Variants in GREB1 observed in about 807,000 individuals in gnomAD.
GREB1 encodes the protein growth regulating estrogen receptor binding 1, also known as protein GREB1.
In GREB1, 106 loss-of-function variants were observed where a neutral mutation model predicts 200.7. The ratio of observed to expected loss-of-function variants is 0.53; its 90% CI spans 0.45 to 0.62. GREB1 has a LOEUF of 0.62. Among genes scored for constraint, GREB1 ranks in the 20% least tolerant of loss-of-function variants. The pLI is 0.00. For missense variants in GREB1, 2,243 were observed against 2,556.8 expected (o/e 0.88, Z 2.65); for synonymous variants, 1,132 against 1,092.4 (o/e 1.04, Z -0.72).
At chr2:11,501,912 T>G (rs1399142607) in intron 1 of GREB1, among the ~76,000 whole-genome samples, 8 of 105,518 alleles carry the variant, frequency 7.6e-5, no homozygotes, top group African/African-American at 1.2e-4. Context: ...TTTGTTTTTT[T>G]TTTTTTTTTT....
chr2:11,583,104 T>A (rs1679685307), intron 7 of GREB1, among the ~76,000 whole-genome samples: 1 of 152,126 alleles, frequency 6.6e-6, no homozygotes, highest in Non-Finnish European at 1.5e-5. Flanking sequence ...ATTGGTACCA[T>A]GGGAGCAGTT....
upstream of GREB1, among the ~76,000 whole-genome samples, chr2:11,532,248 T>C (rs972562395): frequency 6.6e-6 from 1 of 152,218 alleles, no homozygotes; most frequent in Non-Finnish European, 1.5e-5. Context: ...ATGGCACTTA[T>C]TTCTGGTAGG....
At chr2:11,527,142 T>G (rs563337385) in intron 1 of GREB1, among the ~76,000 whole-genome samples, 1 of 152,342 alleles carries the variant, frequency 6.6e-6, no homozygotes, top group African/African-American at 2.4e-5. Context: ...AGTGTACTAC[T>G]ATTAGTTTTT....
intron 1 of GREB1, among the ~76,000 whole-genome samples, chr2:11,498,023 T>C (rs1672934779): frequency 7.9e-6 from 1 of 127,118 alleles, no homozygotes; most frequent in Admixed American, 9.0e-5. Context: ...AAAGACAGAG[T>C]CTCACTGTGT....
chr2:11,609,084 G>C (rs558703837), intron 17 of GREB1, among the ~76,000 whole-genome samples: 1 of 152,244 alleles, frequency 6.6e-6, no homozygotes, highest in South Asian at 2.1e-4. Flanking sequence ...GTATTGAAAT[G>C]CAGTTGTTTC....
intron 1 of GREB1, among the ~76,000 whole-genome samples, chr2:11,550,346 C>T (rs1000640216): frequency 1.3e-5 from 2 of 152,180 alleles, no homozygotes; most frequent in Non-Finnish European, 2.9e-5. Flanking sequence ...CATCCTTAAG[C>T]ATGATTGCAT....
At position 11,597,692 on chromosome 2, in the gene GREB1, T is replaced by C; in HGVS notation, c.1955-89T>C. 8.6e-7 allele frequency: 1 copy of C among 1,159,434 alleles called. No homozygotes were observed. Among genetic ancestry groups the C allele is most frequent in the East Asian group, 2.3e-5 (1 of 42,788 alleles). 71.8% of individuals were successfully genotyped at this position (1,159,434 alleles called of 1,614,324 possible). A position where few individuals can be genotyped will look rare whatever the true frequency, so the allele number is the denominator to read the frequency against. On this transcript the variant is annotated intron_variant, in intron 13 of 32. Transcript: ENST00000381486. This position sits in a 1 kb window ranked among gnomAD's most constrained non-coding sequence, Gnocchi z 4.1. Reference sequence around the variant, plus strand: ...GCTTTGTGAATGGGGCCGTCTCCCCTGGACAGGTCTCACTGATTCTCTGGC... The same window carrying C: ...GCTTTGTGAATGGGGCCGTCTCCCCCGGACAGGTCTCACTGATTCTCTGGC...
chr2:11,585,652 T>TC (rs1205529916), intron 8 of GREB1, 110 bp from the exon 9 acceptor site: 2 of 1,180,442 alleles, frequency 1.7e-6, no homozygotes, highest in African/African-American at 3.0e-5. Flanking sequence ...GCTCCTGTAA[T>TC]CAGGGACGTT....
chr2:11,491,842 T>C (rs760402868), intron 1 of GREB1, among the ~76,000 whole-genome samples: 2 of 152,186 alleles, frequency 1.3e-5, no homozygotes, highest in African/African-American at 2.4e-5. Context: ...CATTGACATA[T>C]TTGGATGCCT....
At chr2:11,490,977 G>A (rs1558480483) in intron 1 of GREB1, among the ~76,000 whole-genome samples, 1 of 152,258 alleles carries the variant, frequency 6.6e-6, no homozygotes, top group East Asian at 1.9e-4. Flanking sequence ...ACCATTTTAC[G>A]TGTCTACCAG....
chr2:11,614,608 G>A (rs996951053), intron 19 of GREB1, among the ~76,000 whole-genome samples: 9 of 151,856 alleles, frequency 5.9e-5, no homozygotes, highest in African/African-American at 9.7e-5. Context: ...CTGTCGCCCC[G>A]GCTGGATTGC....
intron 24 of GREB1, 69 bp downstream of exon 24, chr2:11,625,381 G>C: frequency 1.4e-6 from 2 of 1,466,890 alleles, no homozygotes; most frequent in Non-Finnish European, 1.9e-6. Context: ...GGATGAGCTG[G>C]ATTTTGTTAG....
At chr2:11,495,766 C>G (rs1427865435) in intron 1 of GREB1, among the ~76,000 whole-genome samples, 5 of 150,652 alleles carry the variant, frequency 3.3e-5, no homozygotes, top group African/African-American at 1.2e-4. Context: ...TATACTAGTC[C>G]GTTGAATCTT....
At chr2:11,573,879 G>A (rs1042471658) in intron 4 of GREB1, among the ~76,000 whole-genome samples, 1 of 152,216 alleles carries the variant, frequency 6.6e-6, no homozygotes, top group African/African-American at 2.4e-5. Flanking sequence ...ACAGAGGCCT[G>A]TAACCTGCTT....
intron 4 of GREB1, among the ~76,000 whole-genome samples, chr2:11,568,714 C>T (rs1489098000): frequency 2.6e-5 from 4 of 152,202 alleles, no homozygotes; most frequent in Non-Finnish European, 4.4e-5. Flanking sequence ...CCTGTTGGCC[C>T]GCAGAGAGGA....
At position 11,548,802 on chromosome 2, in the gene GREB1, G is replaced by A. The variant is rs901425958; in HGVS notation, c.-161-7652G>A. Among the ~76,000 whole-genome samples, 1 of 152,138 alleles carries A rather than the reference G, an allele frequency of 6.6e-6. No homozygotes were observed. Among genetic ancestry groups the A allele is most frequent in the Admixed American group, 6.5e-5 (1 of 15,274 alleles). ...CACTCCCCAGTAGTTTCTTGAGAAA[G>A]TGAACTTGGGAGATAAATTGCTTTG... On this transcript the variant is annotated intron_variant, in intron 1 of 32. Coordinates refer to ENST00000381486, the MANE Select transcript of GREB1 (RefSeq NM_014668.4). This position sits in a 1 kb window ranked among gnomAD's most constrained non-coding sequence, Gnocchi z 5.1.
chr2:11,498,873 C>T (rs1251753951), intron 1 of GREB1, among the ~76,000 whole-genome samples: 2 of 152,226 alleles, frequency 1.3e-5, no homozygotes, highest in East Asian at 3.8e-4. Context: ...ACATCTCTCC[C>T]AGCCCCAAAT....
chr2:11,625,045 G>A (rs371781000), intron 23 of GREB1, 109 bp from the exon 24 acceptor site: 38 of 856,836 alleles, frequency 4.4e-5, no homozygotes, highest in Admixed American at 7.4e-5. Context: ...TGACAGAATC[G>A]CCTGATGTCG....
At chr2:11,578,725 C>G (rs1266127303) in intron 6 of GREB1, among the ~76,000 whole-genome samples, 1 of 152,174 alleles carries the variant, frequency 6.6e-6, no homozygotes, top group Non-Finnish European at 1.5e-5. Flanking sequence ...CAGCATAGAG[C>G]TCTCTATGTA....
Sources: allele counts gnomAD v4.1 joint callset (sites outside exome capture counted in the v4.1 genomes callset), GRCh38; gene constraint gnomAD v4.1.1; non-coding constraint Gnocchi (gnomAD v3.1); transcripts MANE v1.5; gene names NCBI Gene and HGNC (gene_info 2026-07-23, HGNC 2026-07-21).